The following FHAD1 variants were observed in gnomAD, a reference collection of about 807,000 sequenced individuals.
FHAD1 encodes forkhead associated phosphopeptide binding domain 1, also known as forkhead-associated domain-containing protein 1.
FHAD1 carries 146 observed loss-of-function variants against 191.3 expected under a neutral mutation model. The observed-to-expected ratio is 0.76, with a 90% CI of 0.67 to 0.88. The LOEUF (loss-of-function observed/expected upper bound fraction) is 0.88. FHAD1 is among the 40% of genes least tolerant of loss of function. The pLI is 0.00. For missense variants in FHAD1, 1,635 were observed against 1,785.8 expected, an observed-to-expected ratio of 0.92 and a Z score of 1.52; for synonymous variants, 616 against 672.3, an observed-to-expected ratio of 0.92 and a Z score of 1.29.
chr1:15,307,459 G>T (rs1484932122), intron 6 of FHAD1, among the ~76,000 whole-genome samples: 1 of 152,200 alleles, frequency 6.6e-6, no homozygotes, highest in African/African-American at 2.4e-5. Flanking sequence ...GCCAGGGGCA[G>T]AATGATATGG....
At chr1:15,394,112 C>A (rs1705141983) in intron 33 of FHAD1, among the ~76,000 whole-genome samples, 1 of 152,212 alleles carries the variant, frequency 6.6e-6, no homozygotes, top group Non-Finnish European at 1.5e-5. Flanking sequence ...TTCCAAATAT[C>A]TCAAGTGGAA....
intron 18 of FHAD1, among the ~76,000 whole-genome samples, chr1:15,346,277 G>T (rs1302713085): frequency 6.6e-6 from 1 of 152,132 alleles, no homozygotes; most frequent in African/African-American, 2.4e-5. Flanking sequence ...GTTATATTTG[G>T]CCCCGGAATA....
chr1:15,267,915 AAT>A (rs576820603), intron 2 of FHAD1, among the ~76,000 whole-genome samples: 44 of 144,120 alleles, frequency 3.1e-4, no homozygotes, highest in African/African-American at 9.6e-4. Flanking sequence ...GTATATATAA[AAT>A]ATGTTTTATA....
intron 20 of FHAD1, among the ~76,000 whole-genome samples, chr1:15,354,145 A>C (rs558148810): frequency 6.6e-6 from 1 of 152,342 alleles, no homozygotes; most frequent in South Asian, 2.1e-4. Context: ...TTTTCTTCAA[A>C]GAAAGGTTTG....
Position 15,318,588 on chromosome 1 carries a change from C to T in FHAD1, c.1365+660C>T, listed in dbSNP as rs57398387. 1.9e-3 allele frequency among the ~76,000 whole-genome samples: 295 copies of T among 151,956 alleles called. 1 individual carries two copies. The highest frequency in any genetic ancestry group is 6.6e-3 in the African/African-American group (274 of 41,428). ...GGTGGAGGTTGCAGCAAGCTGAGAT[C>T]GTGCCACCGCACTCCAGCCTGGGCG... On this transcript the variant is annotated intron_variant, in intron 10 of 33. Transcript: ENST00000688493. The surrounding 1 kb of genome is among the most constrained non-coding windows in gnomAD (Gnocchi z 4.1).
intron 32 of FHAD1, among the ~76,000 whole-genome samples, chr1:15,389,447 C>CAAAAAAAAAAAAAAGAAA (rs1703239796): frequency 1.8e-5 from 1 of 54,220 alleles, no homozygotes. Context: ...GAACCTGTCT[C>CAAAAAAAAAAAAAAGAAA]AAAAAAAAAA....
chr1:15,345,247 G>A (rs1358636965), intron 17 of FHAD1, 57 bp downstream of exon 17: 10 of 1,469,954 alleles, frequency 6.8e-6, no homozygotes, highest in Admixed American at 3.9e-5. Flanking sequence ...AGGAAGGGTG[G>A]ATCTGGGGCT....
intron 32 of FHAD1, chr1:15,388,558 C>G: frequency 4.2e-6 from 1 of 236,606 alleles, no homozygotes; most frequent in South Asian, 6.2e-5. Context: ...TTCAGGAATC[C>G]CTGTCCTAAG....
Position 15,272,391 on chromosome 1 carries a change from G to C in FHAD1, c.162G>C (p.Gln54His). ...AGGCGGAGTGCAGCTTTGTTCTCCAGGACTTCAATTCCCGCAACGGCACGT... is the reference window on the plus strand; with the variant it reads ...AGGCGGAGTGCAGCTTTGTTCTCCACGACTTCAATTCCCGCAACGGCACGT... ...YNEAECSFVL[Q>H]DFNSRNGTFV... Residue 54 changes from glutamine to histidine, a missense_variant, in exon 3 of 34, where the codon CAG becomes CAC. Gln to His is a conservative substitution (Grantham distance 24). Transcript: ENST00000688493. The C allele has an allele frequency of 6.4e-7, 1 of 1,551,754 alleles. No individual in the cohort carries two copies. Among genetic ancestry groups the C allele is most frequent in the Non-Finnish European group, 8.7e-7 (1 of 1,147,004 alleles).
intron 3 of FHAD1, among the ~76,000 whole-genome samples, chr1:15,284,088 C>G (rs991505734): frequency 2.6e-5 from 4 of 152,126 alleles, no homozygotes; most frequent in African/African-American, 4.8e-5. Context: ...TTCCCCTACC[C>G]CAGAGTTATT....
At chr1:15,393,782 T>TA (rs776505407) in intron 33 of FHAD1, among the ~76,000 whole-genome samples, 12 of 151,856 alleles carry the variant, frequency 7.9e-5, no homozygotes, top group Non-Finnish European at 1.5e-4. Context: ...TTTTTTTTTT[T>TA]AAGTAAATAC....
At chr1:15,315,982 G>A (rs941255065) in intron 8 of FHAD1, among the ~76,000 whole-genome samples, 2 of 152,120 alleles carry the variant, frequency 1.3e-5, no homozygotes, top group Non-Finnish European at 2.9e-5. Flanking sequence ...CATTTTCACC[G>A]CCGCTCCCAG....
At chr1:15,314,010 AGATC>A (rs1399870208) in intron 8 of FHAD1, among the ~76,000 whole-genome samples, 1 of 151,792 alleles carries the variant, frequency 6.6e-6, no homozygotes, top group East Asian at 1.9e-4. Flanking sequence ...CAGTGAGCTG[AGATC>A]GCGCCATTGC....
intron 1 of FHAD1, among the ~76,000 whole-genome samples, chr1:15,249,699 A>G (rs555084060): frequency 6.6e-6 from 1 of 152,212 alleles, no homozygotes; most frequent in South Asian, 2.1e-4. Context: ...GTTAAGGGCT[A>G]TCTGTTATTT....
At chr1:15,259,620 G>T (rs1467174756) in intron 2 of FHAD1, among the ~76,000 whole-genome samples, 1 of 152,220 alleles carries the variant, frequency 6.6e-6, no homozygotes, top group Non-Finnish European at 1.5e-5. Context: ...CAGCAGAACA[G>T]CGAAAATCAC....
chr1:15,364,070 T>G (rs1276766418), intron 23 of FHAD1: 4 of 285,684 alleles, frequency 1.4e-5, no homozygotes, highest in African/African-American at 8.9e-5. Flanking sequence ...CACCCAGCTC[T>G]GCTCTGGTCC....
chr1:15,385,793 G>A (rs1701970578), intron 31 of FHAD1, among the ~76,000 whole-genome samples: 1 of 152,152 alleles, frequency 6.6e-6, no homozygotes, highest in Non-Finnish European at 1.5e-5. Flanking sequence ...CAGAAAAAAA[G>A]GCATAGTTCT....
At chr1:15,238,089 AT>A (rs1644972525) in intron 1 of FHAD1, among the ~76,000 whole-genome samples, 1 of 151,896 alleles carries the variant, frequency 6.6e-6, no homozygotes, top group Non-Finnish European at 1.5e-5. Context: ...TCTACTAAAA[AT>A]ATAAAAATTA....
At chr1:15,284,469 A>C (rs1034472955) in intron 3 of FHAD1, among the ~76,000 whole-genome samples, 2 of 109,356 alleles carry the variant, frequency 1.8e-5, no homozygotes, top group African/African-American at 7.9e-5. Context: ...ACAGAGCGAG[A>C]CTCCATCTCA....
Sources: gnomAD v4.1 joint callset for allele counts (sites outside exome capture counted in the v4.1 genomes callset) on GRCh38, gnomAD v4.1.1 for gene constraint, Gnocchi (gnomAD v3.1) non-coding constraint, MANE v1.5 for transcripts, NCBI Gene and HGNC (gene_info 2026-07-23, HGNC 2026-07-21) for gene names.